ZNF462: variants seen among roughly 807,000 people sequenced by gnomAD.
The protein encoded by ZNF462 is zinc finger protein 462.
In ZNF462, 10 loss-of-function variants were observed where a neutral mutation model predicts 201.9. The ratio of observed to expected loss-of-function variants is 0.05; its 90% CI spans 0.03 to 0.08. The LOEUF (loss-of-function observed/expected upper bound fraction) is 0.08. Ranked by LOEUF, ZNF462 falls within the 10% of genes least tolerant of loss-of-function variation. The probability of loss-of-function intolerance (pLI) is 1.00; values close to 1 mark genes in which losing one functional copy is unlikely to be tolerated. For synonymous variants in ZNF462, 1,227 were observed against 1,193.3 expected, an observed-to-expected ratio of 1.03 and a Z score of -0.58; for missense variants, 2,523 against 3,168.3, an observed-to-expected ratio of 0.80 and a Z score of 4.89.
chr9:106,897,183 T>G (rs1828848337), intron 1 of ZNF462, among the ~76,000 whole-genome samples: 1 of 152,230 alleles, frequency 6.6e-6, no homozygotes. Flanking sequence ...AGTAAAAGTT[T>G]AGGGTATATG....
chr9:106,986,231 C>G (rs1827821921), intron 10 of ZNF462, among the ~76,000 whole-genome samples: 1 of 152,128 alleles, frequency 6.6e-6, no homozygotes, highest in South Asian at 2.1e-4. Context: ...GGGCGGAAGG[C>G]TGAGGCTTTG....
rs1373676014 is a variant in ZNF462, at chr9:106,915,201, G to GT, written c.-30-8141dup. Among the ~76,000 whole-genome samples, 1,092 of 139,412 alleles carry GT rather than the reference G, an allele frequency of 7.8e-3. 8 individuals carry two copies. The highest frequency in any genetic ancestry group is 0.021 in the African/African-American group (800 of 38,032). The allele number at this position is 139,412 out of a possible 152,430, so 91.5% of individuals were successfully genotyped here. A position where few individuals can be genotyped will look rare whatever the true frequency, so the allele number is the denominator to read the frequency against. On this transcript the variant is annotated intron_variant, in intron 1 of 12. Coordinates refer to ENST00000277225, the MANE Select transcript of ZNF462 (RefSeq NM_021224.6). ...AATGGCTGGATAGGCATTTCTGTAT[G>GT]TTTTTTTTTTTTCTTTTTTTTTTTA...
chr9:106,970,876 C>T lies in ZNF462; in HGVS notation c.6428-1129C>T, dbSNP rs1277257179. Among the ~76,000 whole-genome samples the T allele has an allele frequency of 6.6e-6, 1 of 151,420 alleles. No homozygotes were observed. Among genetic ancestry groups the T allele is most frequent in the Non-Finnish European group, 1.5e-5 (1 of 67,922 alleles). ...CAAAGAAGAAACGCTGAGATTTCCCCTCCTCCCTCCTAGATCAGATTTCTC... is the reference window on the plus strand; with the variant it reads ...CAAAGAAGAAACGCTGAGATTTCCCTTCCTCCCTCCTAGATCAGATTTCTC... On this transcript the variant is annotated intron_variant, in intron 7 of 12. Transcript: ENST00000277225. This position sits in a 1 kb window ranked among gnomAD's most constrained non-coding sequence, Gnocchi z 4.2.
chr9:106,891,513 T>C (rs965936503), intron 1 of ZNF462, among the ~76,000 whole-genome samples: 7 of 152,198 alleles, frequency 4.6e-5, no homozygotes, highest in African/African-American at 1.4e-4. Context: ...TTGCTTCTGC[T>C]TTTGAAGTTA....
chr9:106,994,024 T>C (rs1158231832), intron 10 of ZNF462, among the ~76,000 whole-genome samples: 1 of 152,176 alleles, frequency 6.6e-6, no homozygotes, highest in Non-Finnish European at 1.5e-5. Context: ...AATACCTTGT[T>C]AGTGTTCTTT....
chr9:106,961,484 C>T (rs1360821951), intron 7 of ZNF462, among the ~76,000 whole-genome samples: 1 of 151,832 alleles, frequency 6.6e-6, no homozygotes, highest in Non-Finnish European at 1.5e-5. Flanking sequence ...TGGTCAGTTG[C>T]ATTTTCTTTT....
intron 7 of ZNF462, among the ~76,000 whole-genome samples, chr9:106,939,423 G>A (rs1564119266): frequency 6.6e-6 from 1 of 152,164 alleles, no homozygotes; most frequent in African/African-American, 2.4e-5. Context: ...AGCGAATACA[G>A]TACCAGGCCA....
rs759772425 is a variant in ZNF462 at position 106,924,837 on chromosome 9, A to G, written c.925A>G (p.Ser309Gly). 6.2e-7 allele frequency: 1 copy of G among 1,614,204 alleles called. No individual in the cohort carries two copies. Among genetic ancestry groups the G allele is most frequent in the Middle Eastern group, 1.6e-4 (1 of 6,062 alleles). The stretch of plus-strand genomic sequence containing the variant: ...CACCTATCTGACCATGAATGCTGCA[A>G]GCCGGGAGATACCCAATACTACCGT... Reference protein sequence around the residue: ...NSTYLTMNAASREIPNTTVSN... With the variant: ...NSTYLTMNAAGREIPNTTVSN... Residue 309 changes from serine (S) to glycine (G), a missense_variant, in exon 3 of 13, where the codon AGC (serine) becomes GGC (glycine). Physicochemically the swap from Ser to Gly is moderately conservative, Grantham distance 56. Coordinates refer to ENST00000277225, the MANE Select transcript of ZNF462 (RefSeq NM_021224.6). The surrounding 1 kb of genome is among the most constrained non-coding windows in gnomAD (Gnocchi z 6.2).
rs1288015948 is a variant in ZNF462 at position 106,925,519 on chromosome 9, C to A, written c.1607C>A (p.Pro536His). The stretch of plus-strand genomic sequence containing the variant: ...AGAAAGTCAGGAGTCATGTTGGATC[C>A]CTTGCAGCAGCAACAGCCACCGCAG... ...NGRKSGVMLD[P>H]LQQQQPPQPP... Residue 536 changes from proline to histidine, a missense_variant, in exon 3 of 13, where the codon CCC becomes CAC. Transcript: ENST00000277225. The surrounding 1 kb of genome is among the most constrained non-coding windows in gnomAD (Gnocchi z 7.9). 2.5e-6 allele frequency: 4 copies of A among 1,613,854 alleles called. No homozygotes were observed. In the African/African-American group the frequency reaches 5.3e-5, roughly 22 times the overall value.
At position 107,009,723 on chromosome 9, in the gene ZNF462, G is replaced by A. The variant is rs893106949; in HGVS notation, c.7313+55G>A. 1.3e-6 allele frequency: 2 copies of A among 1,577,678 alleles called. No individual in the cohort carries two copies. The highest frequency in any genetic ancestry group is 1.7e-6 in the Non-Finnish European group (2 of 1,152,870). On this transcript the variant is annotated intron_variant, in intron 12 of 12. Coordinates refer to ENST00000277225, the MANE Select transcript of ZNF462 (RefSeq NM_021224.6). This position sits in a 1 kb window ranked among gnomAD's most constrained non-coding sequence, Gnocchi z 6.1. The stretch of plus-strand genomic sequence containing the variant: ...GTCCAAAGCAAGAGGTAGGGAGGGA[G>A]GGAGGGGCTCTTGTTTTGGTTCCCC...
chr9:106,907,209 A>G (rs1175137320), intron 1 of ZNF462, among the ~76,000 whole-genome samples: 2 of 152,096 alleles, frequency 1.3e-5, no homozygotes, highest in East Asian at 1.9e-4. Context: ...TTCTGCCTCA[A>G]TATTTCTAAG....
intron 7 of ZNF462, among the ~76,000 whole-genome samples, chr9:106,960,463 A>C (rs1184830412): frequency 6.6e-6 from 1 of 152,106 alleles, no homozygotes; most frequent in Non-Finnish European, 1.5e-5. Context: ...ATTTATATAA[A>C]GAGGCTTTTG....
At chr9:106,864,039 G>GCTCTCTCTCTCTCT (rs773917122) in intron 1 of ZNF462, among the ~76,000 whole-genome samples, 2 of 22,754 alleles carry the variant, frequency 8.8e-5, no homozygotes, top group Non-Finnish European at 2.0e-4. Flanking sequence ...CAGGTATTTG[G>GCTCTCTCTCTCTCT]CTCTCTCTCT....
intron 10 of ZNF462, chr9:106,995,815 A>AT (rs1278084556): frequency 1.3e-5 from 2 of 152,014 alleles, no homozygotes; most frequent in Admixed American, 6.6e-5. Flanking sequence ...TCTTATGGCA[A>AT]TTTTTTTATT....
At position 106,972,426 on chromosome 9, in the gene ZNF462, G is replaced by A. The variant is rs1262934148; in HGVS notation, c.6695+154G>A. Among the ~76,000 whole-genome samples the A allele has an allele frequency of 1.3e-5, 2 of 152,142 alleles. No individual in the cohort carries two copies. The highest frequency in any genetic ancestry group is 4.8e-5 in the African/African-American group (2 of 41,424). The stretch of plus-strand genomic sequence containing the variant: ...TTGGGTCCAGGCTTCATGGAAGGAG[G>A]GTAGTTTCAGAAGACTGCTTTGGGA... On this transcript the variant is annotated intron_variant, in intron 8 of 12. Coordinates refer to ENST00000277225, the MANE Select transcript of ZNF462 (RefSeq NM_021224.6). The surrounding 1 kb of genome is among the most constrained non-coding windows in gnomAD (Gnocchi z 4.8).
chr9:106,916,575 G>C (rs576409228), intron 1 of ZNF462, among the ~76,000 whole-genome samples: 11 of 152,186 alleles, frequency 7.2e-5, no homozygotes, highest in Non-Finnish European at 1.3e-4. Context: ...GCTCTGGGGG[G>C]GGAGAAATCA....
chr9:106,887,370 C>T (rs1828366196), intron 1 of ZNF462, among the ~76,000 whole-genome samples: 1 of 152,128 alleles, frequency 6.6e-6, no homozygotes, highest in Non-Finnish European at 1.5e-5. Context: ...CCTCTCCCTC[C>T]GTAAATGGAA....
At chr9:106,991,774 A>T (rs1278810739) in intron 10 of ZNF462, among the ~76,000 whole-genome samples, 1 of 150,808 alleles carries the variant, frequency 6.6e-6, no homozygotes, top group African/African-American at 2.4e-5. Flanking sequence ...TTTTTTTTTT[A>T]AATGGTGCTG....
Position 106,929,516 on chromosome 9 carries a change from C to A in ZNF462, c.5604C>A (p.Asp1868Glu). 3.1e-6 allele frequency: 5 copies of A among 1,614,188 alleles called. No homozygotes were observed. The highest frequency in any genetic ancestry group is 4.2e-6 in the Non-Finnish European group (5 of 1,180,040). Reference sequence around the variant, plus strand: ...AGCTGCTGTGCATGCATTACACTGACCACCACAGTCGGGACCTAAAGAGGG... The same window carrying A: ...AGCTGCTGTGCATGCATTACACTGAACACCACAGTCGGGACCTAAAGAGGG... ...TAELLCMHYT[D>E]HHSRDLKRDF... The change falls in exon 3 of 13, where the codon GAC (aspartate) becomes GAA (glutamate). Residue 1868 changes from aspartate to glutamate, a missense_variant. Physicochemically the swap from Asp to Glu is conservative, Grantham distance 45 (BLOSUM62 2). This residue lies in a region of ZNF462 where 207 missense variants were observed against 231.6 expected (regional missense o/e 0.89). Transcript: ENST00000277225. This position sits in a 1 kb window ranked among gnomAD's most constrained non-coding sequence, Gnocchi z 8.7.
Sources: gnomAD v4.1 joint callset for allele counts (sites outside exome capture counted in the v4.1 genomes callset) on GRCh38, gnomAD v4.1.1 for gene constraint, gnomAD v4.1.1 regional missense constraint, Gnocchi (gnomAD v3.1) non-coding constraint, MANE v1.5 for transcripts, NCBI Gene and HGNC (gene_info 2026-07-23, HGNC 2026-07-21) for gene names.